The following MYLK4 variants were observed in gnomAD, a reference collection of about 807,000 sequenced individuals.
MYLK4 encodes myosin light chain kinase family member 4.
In MYLK4, 46 loss-of-function variants were observed where a neutral mutation model predicts 48.1. That is an observed-to-expected ratio of 0.96 (90% CI 0.75 to 1.22). MYLK4 has a LOEUF of 1.22. MYLK4 is among the 50% of genes most tolerant of loss of function. The pLI, the probability that MYLK4 is intolerant of heterozygous loss-of-function variation, is 0.00. For missense variants in MYLK4, 451 were observed against 486.1 expected (o/e 0.93, Z 0.68); for synonymous variants, 170 against 180.8 (o/e 0.94, Z 0.48).
chr6:2,720,955 G>A (rs1763048527), intron 2 of MYLK4, among the ~76,000 whole-genome samples: 1 of 152,130 alleles, frequency 6.6e-6, no homozygotes, highest in South Asian at 2.1e-4. Context: ...GAGGTCAGGA[G>A]TTGGAGACCA....
the MYLK4 span, chr6:2,766,541 G>T: frequency 3.5e-6 from 5 of 1,412,836 alleles, no homozygotes; most frequent in Non-Finnish European, 4.6e-6. Context: ...GAAAGAAGCC[G>T]CCTGCCTCTC....
chr6:2,718,179 CA>C lies in MYLK4; in HGVS notation c.160-25321del, dbSNP rs10590230. ...TGGTCAACAGAGTGAAACTCTGTCT[CA>C]AAAAAAAAAAAAAAAAAAAAAGAAA... On this transcript the variant is annotated intron_variant, in intron 2 of 12. Transcript: ENST00000274643. Among the ~76,000 whole-genome samples, 710 of 133,148 alleles carry C rather than the reference CA, an allele frequency of 5.3e-3. 2 individuals carry two copies. The highest frequency in any genetic ancestry group is 0.017 in the African/African-American group (612 of 35,834). 87.4% of individuals were successfully genotyped at this position (133,148 alleles called of 152,430 possible).
chr6:2,745,848 C>T (rs1044403740), intron 2 of MYLK4, among the ~76,000 whole-genome samples: 2 of 151,092 alleles, frequency 1.3e-5, no homozygotes, highest in Non-Finnish European at 2.9e-5. Flanking sequence ...TCACTTGAGC[C>T]AGGGAGGTCA....
In MYLK4 at chr6:2,731,222, A is replaced by G. The variant is rs550726806; in HGVS notation, c.159+17914T>C. Among the ~76,000 whole-genome samples the G allele has an allele frequency of 7.2e-5, 11 of 152,154 alleles. No individual in the cohort carries two copies. The South Asian group carries it at 2.3e-3, about 32-fold the overall frequency. On this transcript the variant is annotated intron_variant, in intron 2 of 12. Transcript: ENST00000274643. The stretch of plus-strand genomic sequence containing the variant: ...CGTTTCTAAGAAGTCCCAGGAATGA[A>G]TCCTGGAACTGCTAGAATGAACTTT...
intron 12 of MYLK4, 131 bp downstream of exon 12, chr6:2,671,145 T>C: frequency 1.6e-6 from 1 of 634,800 alleles, no homozygotes; most frequent in South Asian, 1.9e-5. Flanking sequence ...GCAGTCTGAT[T>C]TCAGGGCCCT....
At chr6:2,756,734 C>G in the MYLK4 span, among the ~76,000 whole-genome samples, 1 of 152,148 alleles carries the variant, frequency 6.6e-6, no homozygotes, top group Non-Finnish European at 1.5e-5. Context: ...AAATAAAATG[C>G]TTGCTACAAG....
intron 2 of MYLK4, among the ~76,000 whole-genome samples, chr6:2,693,785 T>TTCGCTC (rs1761907207): frequency 6.7e-6 from 1 of 148,984 alleles, no homozygotes; most frequent in African/African-American, 2.5e-5. Flanking sequence ...GAGATGGAGT[T>TTCGCTC]TCGCTCTTGT....
chr6:2,763,003 A>C, the MYLK4 span, among the ~76,000 whole-genome samples: 7 of 152,322 alleles, frequency 4.6e-5, no homozygotes, highest in Admixed American at 2.0e-4. Flanking sequence ...CAAGCAAAAG[A>C]AAGCCAAGCG....
rs554538629 is a variant in MYLK4 at position 2,747,452 on chromosome 6, C to A, written c.159+1684G>T. The stretch of plus-strand genomic sequence containing the variant: ...CCTTGAACTCCCGGGCTCAAGCAAT[C>A]CTCCTGCCTCAGCCTCCCAAGTAGC... On this transcript the variant is annotated intron_variant, in intron 2 of 12. Transcript: ENST00000274643. Among the ~76,000 whole-genome samples the A allele has an allele frequency of 6.6e-4, 101 of 152,178 alleles. 1 individual carries two copies. Among genetic ancestry groups the A allele is most frequent in the African/African-American group, 2.3e-3 (97 of 41,530 alleles).
the MYLK4 span, chr6:2,766,373 C>T: frequency 3.4e-5 from 54 of 1,609,112 alleles, no homozygotes; most frequent in East Asian, 9.0e-5. Context: ...CCAGGATACC[C>T]TGCTGCGCTC....
chr6:2,698,559 A>T (rs1350856478), intron 2 of MYLK4, among the ~76,000 whole-genome samples: 1 of 152,210 alleles, frequency 6.6e-6, no homozygotes, highest in Non-Finnish European at 1.5e-5. Flanking sequence ...CAAGATGAAC[A>T]ATTTTTGGCC....
intron 2 of MYLK4, among the ~76,000 whole-genome samples, chr6:2,719,227 C>G (rs1411363818): frequency 6.6e-6 from 1 of 152,184 alleles, no homozygotes; most frequent in Non-Finnish European, 1.5e-5. Flanking sequence ...AAAAAACACT[C>G]CCGTCAGCTT....
chr6:2,670,807 A>G (rs1445837825), intron 12 of MYLK4, among the ~76,000 whole-genome samples: 2 of 152,074 alleles, frequency 1.3e-5, no homozygotes, highest in African/African-American at 2.4e-5. Context: ...ACCCGAGGGA[A>G]CCACACTCCA....
intron 2 of MYLK4, among the ~76,000 whole-genome samples, chr6:2,713,784 C>CT (rs1380616519): frequency 6.6e-6 from 1 of 152,164 alleles, no homozygotes. Flanking sequence ...ATATTTAGGC[C>CT]TACGCATAGG....
chr6:2,688,448 T>C (rs879884768), intron 4 of MYLK4, among the ~76,000 whole-genome samples: 2 of 152,154 alleles, frequency 1.3e-5, no homozygotes, highest in African/African-American at 4.8e-5. Flanking sequence ...AAATGAATAA[T>C]AGTAATTAAT....
chr6:2,697,243 T>A (rs1762096440), intron 2 of MYLK4, among the ~76,000 whole-genome samples: 1 of 152,208 alleles, frequency 6.6e-6, no homozygotes, highest in South Asian at 2.1e-4. Context: ...CTGAAGTGTG[T>A]TTTGGAGCAG....
intron 2 of MYLK4, among the ~76,000 whole-genome samples, chr6:2,703,665 C>CTTT (rs3055234): frequency 0.31 from 29,022 of 93,144 alleles, 7,834 homozygotes; most frequent in East Asian, 0.49. Flanking sequence ...TTTGTGAATT[C>CTTT]TTTTTTTTTT....
chr6:2,751,023 C>T (rs1270246450), upstream of MYLK4: 2 of 152,608 alleles, frequency 1.3e-5, no homozygotes, highest in Admixed American at 1.3e-4. Context: ...TAATTTTAGA[C>T]ACCAGGCTTT....
intron 2 of MYLK4, among the ~76,000 whole-genome samples, chr6:2,696,505 G>A (rs1400589793): frequency 6.6e-6 from 1 of 152,118 alleles, no homozygotes; most frequent in African/African-American, 2.4e-5. Context: ...CTCTTTATGG[G>A]GAGAAGCCCA....
Sources: gnomAD v4.1 joint callset for allele counts (sites outside exome capture counted in the v4.1 genomes callset) on GRCh38, gnomAD v4.1.1 for gene constraint, MANE v1.5 for transcripts, NCBI Gene and HGNC (gene_info 2026-07-23, HGNC 2026-07-21) for gene names.